Variants in SNRPN observed in about 807,000 individuals in gnomAD.
The protein encoded by SNRPN is small nuclear ribonucleoprotein polypeptide N, also known as small nuclear ribonucleoprotein-associated protein N.
SNRPN carries 7 observed loss-of-function variants against 25.2 expected under a neutral mutation model. The ratio of observed to expected loss-of-function variants is 0.28; its 90% confidence interval spans 0.16 to 0.52. SNRPN has a LOEUF of 0.52. SNRPN is among the 20% of genes least tolerant of loss of function. The probability of loss-of-function intolerance (pLI) is 0.96; values close to 1 mark genes in which losing one functional copy is unlikely to be tolerated. For synonymous variants in SNRPN, 124 were observed against 110.6 expected, an observed-to-expected ratio of 1.12 and a Z score of -0.76; for missense variants, 196 against 322.5, an observed-to-expected ratio of 0.61 and a Z score of 3.00.
At chr15:24,959,207 T>C (rs1596200211) in intron 1 of SNRPN, among the ~76,000 whole-genome samples, 1 of 152,250 alleles carries the variant, frequency 6.6e-6, no homozygotes, top group African/African-American at 2.4e-5. Flanking sequence ...GTCCTCAGTT[T>C]CATAAAATGT....
intron 3 of SNRPN, among the ~76,000 whole-genome samples, chr15:24,945,541 G>T (rs775988660): frequency 6.6e-6 from 1 of 151,558 alleles, no homozygotes; most frequent in Non-Finnish European, 1.5e-5. Flanking sequence ...ATATAGAAAG[G>T]CCCCATCTCT....
chr15:24,920,861 C>A (rs925405894), intron 3 of SNRPN, among the ~76,000 whole-genome samples: 2 of 152,236 alleles, frequency 1.3e-5, no homozygotes, highest in Non-Finnish European at 2.9e-5. Context: ...TGAAGCGAAG[C>A]TCAGACATCA....
upstream of SNRPN, among the ~76,000 whole-genome samples, chr15:24,950,063 C>A (rs2153200940): frequency 6.6e-6 from 1 of 152,244 alleles, no homozygotes; most frequent in Middle Eastern, 3.4e-3. Flanking sequence ...TTCAAGCAAT[C>A]CTCTCGCCTT....
chr15:24,900,178 T>C (rs1244190999), intron 2 of SNRPN, among the ~76,000 whole-genome samples: 1 of 152,192 alleles, frequency 6.6e-6, no homozygotes, highest in African/African-American at 2.4e-5. Flanking sequence ...ATGGATTCAG[T>C]TGAGGGTCCT....
chr15:24,848,196 G>A (rs138540435), intron 2 of SNRPN, among the ~76,000 whole-genome samples: 2,713 of 148,324 alleles, frequency 0.018, 48 homozygotes, highest in Non-Finnish European at 0.028. Context: ...GCTGTGGGAA[G>A]GTCACAGGAC....
chr15:24,953,274 T>A (rs1306548748), upstream of SNRPN, among the ~76,000 whole-genome samples: 2 of 152,188 alleles, frequency 1.3e-5, no homozygotes, highest in Non-Finnish European at 2.9e-5. Context: ...TATAATGGTG[T>A]GTATTCTTTC....
At chr15:24,958,256 T>G (rs1303491442) in intron 1 of SNRPN, among the ~76,000 whole-genome samples, 1 of 152,122 alleles carries the variant, frequency 6.6e-6, no homozygotes, top group African/African-American at 2.4e-5. Context: ...TAACCTCCTT[T>G]GTTTATCAGC....
chr15:24,976,171 G>T (rs2077039706), intron 5 of SNRPN, 134 bp from the exon 6 acceptor site: 11 of 680,854 alleles, frequency 1.6e-5, no homozygotes, highest in Admixed American at 1.1e-4. Flanking sequence ...GATATTTTTT[G>T]GCTTGTTTTT....
At chr15:24,891,154 G>C (rs1478334026) in intron 2 of SNRPN, among the ~76,000 whole-genome samples, 1 of 151,976 alleles carries the variant, frequency 6.6e-6, no homozygotes, top group Non-Finnish European at 1.5e-5. Flanking sequence ...CAAGTGATCT[G>C]CCCGCCTTCG....
At position 24,913,468 on chromosome 15, in the gene SNRPN, G is replaced by A. The variant is rs374529784; in HGVS notation, c.-504-6543G>A. ...GACCAGCCTGGCCAACATGGTGAAA[G>A]ACCACCTCTACTAAAAATACAAAAA... On this transcript the variant is annotated intron_variant, in intron 2 of 11. Coordinates refer to the SNRPN transcript ENST00000400097. Among the ~76,000 whole-genome samples the A allele has an allele frequency of 1.9e-4, 29 of 151,984 alleles. 2 individuals carry two copies. The highest frequency in any genetic ancestry group is 5.5e-4 in the African/African-American group (23 of 41,496).
chr15:24,975,847 G>A (rs1211023272), intron 5 of SNRPN, among the ~76,000 whole-genome samples: 1 of 152,150 alleles, frequency 6.6e-6, no homozygotes, highest in African/African-American at 2.4e-5. Flanking sequence ...TTGAAATGGA[G>A]AAGAACAGTT....
At chr15:24,916,333 A>G (rs987822042) in intron 2 of SNRPN, among the ~76,000 whole-genome samples, 1 of 152,098 alleles carries the variant, frequency 6.6e-6, no homozygotes, top group Non-Finnish European at 1.5e-5. Context: ...ACTTAGGGGA[A>G]AGTGGGGGGA....
At chr15:24,904,801 T>C (rs1281023479) in intron 2 of SNRPN, among the ~76,000 whole-genome samples, 1 of 150,778 alleles carries the variant, frequency 6.6e-6, no homozygotes, top group Non-Finnish European at 1.5e-5. Flanking sequence ...TTGTCTCTAC[T>C]AAAAATACAA....
At chr15:24,943,161 C>T (rs573972825) in intron 3 of SNRPN, among the ~76,000 whole-genome samples, 1 of 152,164 alleles carries the variant, frequency 6.6e-6, no homozygotes, top group South Asian at 2.1e-4. Context: ...TTGACCACGG[C>T]CTATAAATTG....
chr15:24,957,322 T>G (rs1035989939), intron 1 of SNRPN, among the ~76,000 whole-genome samples: 1 of 152,188 alleles, frequency 6.6e-6, no homozygotes, highest in African/African-American at 2.4e-5. Flanking sequence ...AGTTTTGTGC[T>G]CAAAGAGAAT....
At position 24,977,042 on chromosome 15, in the gene SNRPN, C is replaced by T. The variant is rs1454314135; in HGVS notation, c.420+13C>T. ...ACCATCCCAGCAGGTGAGGAACCAG[C>T]AGAGGGTTTTATATTATTGGGAGAA... is the stretch of plus-strand genomic sequence containing the variant. On this transcript the variant is annotated intron_variant, in intron 7 of 9. Transcript: ENST00000390687. 3 of 1,549,266 alleles carry T rather than the reference C, an allele frequency of 1.9e-6. No homozygotes were observed. The highest frequency in any genetic ancestry group is 2.8e-5 in the African/African-American group (2 of 71,684).
intron 2 of SNRPN, among the ~76,000 whole-genome samples, chr15:24,837,512 G>T (rs1335722912): frequency 6.6e-6 from 1 of 150,894 alleles, no homozygotes; most frequent in Admixed American, 6.6e-5. Flanking sequence ...GGGACTACAG[G>T]CGCCCACCAC....
rs543601998 is a variant in SNRPN at position 24,871,361 on chromosome 15, T to C, written c.-579+14645T>C. 3.5e-4 allele frequency among the ~76,000 whole-genome samples: 53 copies of C among 152,144 alleles called. No homozygotes were observed. In the East Asian group the frequency reaches 8.9e-3, roughly 26 times the overall value. On this transcript the variant is annotated intron_variant, in intron 1 of 11. Transcript: ENST00000400097. The stretch of plus-strand genomic sequence containing the variant: ...CTGTCCTCCTTGGAGAGTCCCTAGT[T>C]AGCATTAATCTGTTTACTATCTCTA...
At chr15:24,950,881 A>T (rs2062212871), upstream of SNRPN, among the ~76,000 whole-genome samples, 1 of 146,526 alleles carries the variant, frequency 6.8e-6, no homozygotes, top group Non-Finnish European at 1.5e-5. Context: ...TTTAAATTTG[A>T]AACGGAGTCC....
Sources: gnomAD v4.1 joint callset for allele counts (sites outside exome capture counted in the v4.1 genomes callset) on GRCh38, gnomAD v4.1.1 for gene constraint, MANE v1.5 for transcripts, NCBI Gene and HGNC (gene_info 2026-07-23, HGNC 2026-07-21) for gene names.